The following ATPAF2 variants were observed in gnomAD, a reference collection of about 807,000 sequenced individuals.
The protein encoded by ATPAF2 is ATP12 homolog.
Under a neutral mutation model 36.6 loss-of-function variants are expected in ATPAF2, and 30 were observed. The ratio of observed to expected loss-of-function variants is 0.82; its 90% confidence interval spans 0.61 to 1.11. ATPAF2 has a LOEUF of 1.11. Ranked by LOEUF, ATPAF2 falls within the 50% of genes most tolerant of loss-of-function variation. The probability of loss-of-function intolerance (pLI) is 0.00; values close to 1 mark genes in which losing one functional copy is unlikely to be tolerated. For missense variants in ATPAF2, 321 were observed against 372.3 expected (o/e 0.86, Z 1.13); for synonymous variants, 140 against 152.6 (o/e 0.92, Z 0.61).
chr17:18,018,693 G>A lies in ATPAF2; in HGVS notation c.733-7C>T. The A allele has an allele frequency of 1.2e-6, 2 of 1,613,940 alleles. No homozygotes were observed. Among genetic ancestry groups the A allele is most frequent in the Non-Finnish European group, 8.5e-7 (1 of 1,179,986 alleles). On this transcript the variant is annotated splice_polypyrimidine_tract_variant and splice_region_variant and intron_variant, in intron 7 of 7. Transcript: ENST00000474627. The stretch of plus-strand genomic sequence containing the variant: ...TGTTGCCCCACTTCTGGATCTGAGG[G>A]AAGGACAAGACAAGTTGCTGGGTGA...
intron 7 of ATPAF2, 25 bp downstream of exon 7, chr17:18,021,097 GC>G: frequency 6.2e-7 from 1 of 1,601,098 alleles, no homozygotes; most frequent in Non-Finnish European, 8.5e-7. Context: ...GAAGGGGGAG[GC>G]GGGACCTGAG....
chr17:18,039,107 G>A lies in ATPAF2; in HGVS notation c.-94C>T. 2 of 1,517,914 alleles carry A rather than the reference G, an allele frequency of 1.3e-6. No individual in the cohort carries two copies. The highest frequency in any genetic ancestry group is 1.2e-5 in the South Asian group (1 of 83,428). 94.0% of individuals were successfully genotyped at this position (1,517,914 alleles called of 1,614,324 possible). A position where few individuals can be genotyped will look rare whatever the true frequency, so the allele number is the denominator to read the frequency against. On this transcript the variant is annotated 5_prime_UTR_variant, in exon 1 of 8. Transcript: ENST00000474627. This position sits in a 1 kb window ranked among gnomAD's most constrained non-coding sequence, Gnocchi z 5.3. ...CCAAAGCCGCACGGTCGGGCTGTAC[G>A]GAAACCTCTCAACGCCTCCTCAGAG...
chr17:18,030,830 C>CTTT (rs34365252), intron 1 of ATPAF2, among the ~76,000 whole-genome samples: 33 of 80,098 alleles, frequency 4.1e-4, no homozygotes, highest in African/African-American at 6.7e-4. Context: ...CCACGCCTGG[C>CTTT]TTTTTTTTTT....
chr17:18,028,653 T>C lies in ATPAF2; in HGVS notation c.140A>G (p.Lys47Arg). ...GATGCTGACATTCTGATAAAACCTC[T>C]TCCTTTCTGTAAGAAAGATTTTTCA... The part of the protein sequence containing the change: ...ARAYAPPTER[K>R]RFYQNVSITQ... Residue 47 changes from lysine to arginine, a missense_variant, in exon 2 of 8, where the codon AAG becomes AGG. Coordinates refer to ENST00000474627, the MANE Select transcript of ATPAF2 (RefSeq NM_145691.4). 7 of 1,613,534 alleles carry C rather than the reference T, an allele frequency of 4.3e-6. No individual in the cohort carries two copies. Among genetic ancestry groups the C allele is most frequent in the Non-Finnish European group, 5.9e-6 (7 of 1,179,984 alleles).
Position 18,039,094 on chromosome 17 carries a change from G to T in ATPAF2, c.-81C>A, listed in dbSNP as rs2044751939. On this transcript the variant is annotated 5_prime_UTR_variant, in exon 1 of 8. Transcript: ENST00000474627. This position sits in a 1 kb window ranked among gnomAD's most constrained non-coding sequence, Gnocchi z 5.3. The stretch of plus-strand genomic sequence containing the variant: ...AGCGATGGGATCCCCAAAGCCGCAC[G>T]GTCGGGCTGTACGGAAACCTCTCAA... The T allele has an allele frequency of 6.5e-6, 10 of 1,538,146 alleles. No homozygotes were observed. Among genetic ancestry groups the T allele is most frequent in the Non-Finnish European group, 8.8e-6 (10 of 1,140,668 alleles).
rs112444972 is a variant in ATPAF2 at position 18,022,691 on chromosome 17, C to A, written c.504-834G>T. Among the ~76,000 whole-genome samples the A allele has an allele frequency of 4.7e-3, 709 of 151,520 alleles. 6 individuals carry two copies. The highest frequency in any genetic ancestry group is 0.017 in the African/African-American group (685 of 41,216). ...GATCTCGGCTCACTGCGACCTCCGCCTCCTGACCTCTGCGCCTGGCTGAGA... is the reference window on the plus strand; with the variant it reads ...GATCTCGGCTCACTGCGACCTCCGCATCCTGACCTCTGCGCCTGGCTGAGA... On this transcript the variant is annotated intron_variant, in intron 5 of 7. Coordinates refer to ENST00000474627, the MANE Select transcript of ATPAF2 (RefSeq NM_145691.4).
intron 4 of ATPAF2, 73 bp downstream of exon 4, chr17:18,026,246 A>G: frequency 2.2e-6 from 3 of 1,376,166 alleles, no homozygotes; most frequent in Non-Finnish European, 2.1e-6. Context: ...TTCTTCTTCC[A>G]CTGATAACCA....
chr17:18,022,271 C>T (rs2044480392), intron 5 of ATPAF2, among the ~76,000 whole-genome samples: 1 of 152,138 alleles, frequency 6.6e-6, no homozygotes, highest in Non-Finnish European at 1.5e-5. Context: ...ATGTTTATGT[C>T]ATATATCATG....
intron 4 of ATPAF2, chr17:18,025,143 T>C: frequency 1.6e-5 from 5 of 311,484 alleles, no homozygotes; most frequent in South Asian, 1.4e-4. Flanking sequence ...TGAATGGGAA[T>C]GCTGTGCCAG....
rs1269855301 is a variant in ATPAF2, at chr17:18,030,964, C to T, written c.134-2305G>A. ...CTGGGATTGCAGGCGTGAGCCACCGCGCCTGGCCTTTTTTTTTTTTTTTTT... is the reference window on the plus strand; with the variant it reads ...CTGGGATTGCAGGCGTGAGCCACCGTGCCTGGCCTTTTTTTTTTTTTTTTT... On this transcript the variant is annotated intron_variant, in intron 1 of 7. Transcript: ENST00000474627. 3.1e-5 allele frequency among the ~76,000 whole-genome samples: 4 copies of T among 130,132 alleles called. No homozygotes were observed. In the East Asian group the frequency reaches 7.3e-4, roughly 24 times the overall value. 85.4% of individuals were successfully genotyped at this position (130,132 alleles called of 152,430 possible). A position where few individuals can be genotyped will look rare whatever the true frequency, so the allele number is the denominator to read the frequency against.
chr17:18,028,678 A>G lies in ATPAF2; in HGVS notation c.134-19T>C. On this transcript the variant is annotated intron_variant, in intron 1 of 7. Coordinates refer to ENST00000474627, the MANE Select transcript of ATPAF2 (RefSeq NM_145691.4). The stretch of plus-strand genomic sequence containing the variant: ...TTCCTTTCTGTAAGAAAGATTTTTC[A>G]AAGAGGCAGTTTAAAATAACGTTGA... 6.2e-7 allele frequency: 1 copy of G among 1,612,728 alleles called. No homozygotes were observed.
rs541607328 is a variant in ATPAF2, at chr17:18,036,205, C to A, written c.133+2676G>T. On this transcript the variant is annotated intron_variant, in intron 1 of 7. Transcript: ENST00000474627. ...TGACTGAAGTGTTCATTGAGAAGAA[C>A]CCACTGCGGTTTAATCTTCTACTAC... 9.7e-4 allele frequency among the ~76,000 whole-genome samples: 148 copies of A among 152,260 alleles called. 1 individual carries two copies. Among genetic ancestry groups the A allele is most frequent in the Admixed American group, 2.6e-4 (4 of 15,292 alleles).
chr17:18,033,125 T>C (rs2044660277), intron 1 of ATPAF2, among the ~76,000 whole-genome samples: 1 of 152,026 alleles, frequency 6.6e-6, no homozygotes, highest in African/African-American at 2.4e-5. Context: ...TCCCAGAACT[T>C]TGTGAGGCCG....
chr17:18,031,007 T>C (rs1277966211), intron 1 of ATPAF2, among the ~76,000 whole-genome samples: 216 of 107,018 alleles, frequency 2.0e-3, no homozygotes, highest in East Asian at 7.3e-3. Context: ...GAGTCTCACT[T>C]TGTCGCCCAG....
chr17:18,016,429 G>A, downstream of ATPAF2: 3 of 793,342 alleles, frequency 3.8e-6, no homozygotes, highest in Non-Finnish European at 6.1e-6. Context: ...CAGAACCTGG[G>A]GAGGCGCTGA....
Position 18,021,754 on chromosome 17 carries a change from C to T in ATPAF2, c.607G>A (p.Ala203Thr), listed in dbSNP as rs1396622119. 3 of 1,613,700 alleles carry T rather than the reference C, an allele frequency of 1.9e-6. No homozygotes were observed. Among genetic ancestry groups the T allele is most frequent in the Non-Finnish European group, 1.7e-6 (2 of 1,179,856 alleles). Residue 203 changes from alanine (A) to threonine (T), a missense_variant, in exon 6 of 8, where the codon GCT becomes ACT. By Grantham distance (58) the Ala-to-Thr change is moderately conservative. Coordinates refer to ENST00000474627, the MANE Select transcript of ATPAF2 (RefSeq NM_145691.4). ...VSHLASYNTW[A>T]LQGIEFVAAQ... ...GAAACTCCATACATGCCTTGTAAAG[C>T]CCATGTGTTGTAAGATGCCAGGTGG...
chr17:18,021,062 C>T (rs2044461993), intron 7 of ATPAF2, 61 bp downstream of exon 7: 3 of 1,562,014 alleles, frequency 1.9e-6, no homozygotes, highest in Non-Finnish European at 2.6e-6. Context: ...GGGTTAGCTG[C>T]TCCCCCAAAG....
intron 5 of ATPAF2, among the ~76,000 whole-genome samples, chr17:18,023,030 A>C (rs1383042260): frequency 2.0e-5 from 3 of 151,644 alleles, no homozygotes; most frequent in Non-Finnish European, 4.4e-5. Context: ...TGGGAGGCTG[A>C]GGCAGGAAAA....
At chr17:18,026,084 C>T (rs768641700) in intron 4 of ATPAF2, 9 of 605,008 alleles carry the variant, frequency 1.5e-5, no homozygotes, top group Non-Finnish European at 2.7e-5. Context: ...ACCCTCCCAG[C>T]CTAAGGAGCA....
Sources: gnomAD v4.1 joint callset for allele counts (sites outside exome capture counted in the v4.1 genomes callset) on GRCh38, gnomAD v4.1.1 for gene constraint, Gnocchi (gnomAD v3.1) non-coding constraint, MANE v1.5 for transcripts, NCBI Gene and HGNC (gene_info 2026-07-23, HGNC 2026-07-21) for gene names.